Variants in RPS6KA2 observed in about 807,000 individuals in gnomAD.
RPS6KA2 encodes ribosomal protein S6 kinase alpha-2.
In RPS6KA2, 42 loss-of-function variants were observed where a neutral mutation model predicts 91.8. The observed-to-expected ratio is 0.46, with a 90% confidence interval of 0.36 to 0.59. The LOEUF (loss-of-function observed/expected upper bound fraction) is 0.59, where lower values mean the gene tolerates loss of function less well. RPS6KA2 is among the 20% of genes least tolerant of loss of function. RPS6KA2 has a pLI of 0.00. For missense variants in RPS6KA2, 798 were observed against 978.5 expected, an observed-to-expected ratio of 0.82 and a Z score of 2.46; for synonymous variants, 414 against 393.6, an observed-to-expected ratio of 1.05 and a Z score of -0.61.
chr6:166,584,663 T>C (rs780518117), intron 1 of RPS6KA2, among the ~76,000 whole-genome samples: 9 of 152,252 alleles, frequency 5.9e-5, no homozygotes, highest in East Asian at 1.9e-4. Flanking sequence ...CTATCTGTGA[T>C]TGTGATCTTT....
At chr6:166,862,539 G>A in exon 1 of RPS6KA2, 1 of 314,576 alleles carries the variant, frequency 3.2e-6, no homozygotes, top group Non-Finnish European at 5.7e-6. Flanking sequence ...CGCTGCACTT[G>A]CAGCTTCGAA....
chr6:166,591,794 C>A (rs978288198), intron 1 of RPS6KA2, among the ~76,000 whole-genome samples: 1 of 152,170 alleles, frequency 6.6e-6, no homozygotes, highest in Non-Finnish European at 1.5e-5. Flanking sequence ...AAAACTAACC[C>A]AGCATTTAGT....
At chr6:166,558,150 G>C (rs1271249199) in intron 1 of RPS6KA2, among the ~76,000 whole-genome samples, 2 of 108,344 alleles carry the variant, frequency 1.8e-5, no homozygotes, top group Non-Finnish European at 3.7e-5. Flanking sequence ...TGTATGTGGG[G>C]AGAGAGAGAG....
Position 166,648,150 on chromosome 6 carries a change from G to C in RPS6KA2, c.124-109366C>G, listed in dbSNP as rs1011105688. Among the ~76,000 whole-genome samples the C allele has an allele frequency of 3.6e-5, 4 of 112,170 alleles. No homozygotes were observed. Among genetic ancestry groups the C allele is most frequent in the Non-Finnish European group, 7.1e-5 (4 of 56,132 alleles). 73.6% of individuals were successfully genotyped at this position (112,170 alleles called of 152,430 possible). On this transcript the variant is annotated intron_variant, in intron 2 of 21. Transcript: ENST00000503859. The surrounding 1 kb of genome is among the most constrained non-coding windows in gnomAD (Gnocchi z 4.8). ...TACACATACATGCACACACGCACAT[G>C]GTTACACACCCATGCACACATGCTC...
intron 2 of RPS6KA2, among the ~76,000 whole-genome samples, chr6:166,687,642 C>T (rs886197069): frequency 2.0e-5 from 3 of 152,170 alleles, no homozygotes; most frequent in Non-Finnish European, 4.4e-5. Flanking sequence ...TGCAGGAATC[C>T]AGTCATTTTA....
intron 2 of RPS6KA2, among the ~76,000 whole-genome samples, chr6:166,841,565 C>T (rs1430915461): frequency 6.6e-6 from 1 of 152,224 alleles, no homozygotes; most frequent in Non-Finnish European, 1.5e-5. Context: ...AATAGAAAAA[C>T]TCAGCAGGTC....
chr6:166,538,876 G>T, intron 1 of RPS6KA2, 92 bp from the exon 2 acceptor site: 1 of 674,750 alleles, frequency 1.5e-6, no homozygotes, highest in Non-Finnish European at 2.7e-6. Flanking sequence ...ACCACGAGCT[G>T]GGTCTGTTAC....
At chr6:166,515,575 G>A (rs369348200) in intron 3 of RPS6KA2, among the ~76,000 whole-genome samples, 4 of 152,208 alleles carry the variant, frequency 2.6e-5, no homozygotes, top group Non-Finnish European at 5.9e-5. Flanking sequence ...TCGGCGTGAC[G>A]TCATTAGGAT....
At chr6:166,436,218 C>T (rs185034924) in intron 14 of RPS6KA2, among the ~76,000 whole-genome samples, 17 of 151,446 alleles carry the variant, frequency 1.1e-4, no homozygotes, top group African/African-American at 3.2e-4. Flanking sequence ...ATGCTGCTTT[C>T]GGTCCTGTCT....
chr6:166,518,527 A>G (rs893470471), intron 3 of RPS6KA2, among the ~76,000 whole-genome samples: 7 of 152,218 alleles, frequency 4.6e-5, no homozygotes, highest in Non-Finnish European at 8.8e-5. Context: ...TATAATAATA[A>G]ACAGAGAATC....
intron 2 of RPS6KA2, among the ~76,000 whole-genome samples, chr6:166,532,486 G>A (rs1429463689): frequency 6.6e-6 from 1 of 152,212 alleles, no homozygotes. Context: ...GTGGATTCAC[G>A]GAGTTGCTGT....
intron 2 of RPS6KA2, among the ~76,000 whole-genome samples, chr6:166,771,210 C>T (rs983142164): frequency 9.2e-5 from 14 of 152,184 alleles, no homozygotes; most frequent in African/African-American, 3.4e-4. Context: ...GAAAGAAAGT[C>T]TCTTTCAAGC....
rs1015252249 is a variant in RPS6KA2, at chr6:166,563,697, A to G, written c.100-24913T>C. Among the ~76,000 whole-genome samples, 4 of 152,246 alleles carry G rather than the reference A, an allele frequency of 2.6e-5. No individual in the cohort carries two copies. The highest frequency in any genetic ancestry group is 9.6e-5 in the African/African-American group (4 of 41,462). On this transcript the variant is annotated intron_variant, in intron 1 of 20. Transcript: ENST00000265678. This position sits in a 1 kb window ranked among gnomAD's most constrained non-coding sequence, Gnocchi z 4.1. ...AGACATTGATGGATTTTATGAAGAA[A>G]ATATTTAAGCCAATTTAAATATTTC...
chr6:166,470,072 C>T (rs1403414082), intron 10 of RPS6KA2, among the ~76,000 whole-genome samples, 167 bp from the exon 11 acceptor site: 1 of 152,204 alleles, frequency 6.6e-6, no homozygotes, highest in African/African-American at 2.4e-5. Flanking sequence ...GCCGATGCCC[C>T]CAGCTCAGAA....
In RPS6KA2 at chr6:166,626,728, C is replaced by G. The variant is rs1786894083; in HGVS notation, c.99+193G>C. Among the ~76,000 whole-genome samples, 1 of 152,190 alleles carries G rather than the reference C, an allele frequency of 6.6e-6. No homozygotes were observed. Among genetic ancestry groups the G allele is most frequent in the Non-Finnish European group, 1.5e-5 (1 of 68,022 alleles). ...GTTGCCCCCGCGAGGACCCACGGAC[C>G]GCCCAATTACTACGGAGTCCCAGCG... On this transcript the variant is annotated intron_variant, in intron 1 of 20. Transcript: ENST00000265678. This position sits in a 1 kb window ranked among gnomAD's most constrained non-coding sequence, Gnocchi z 4.1.
chr6:166,680,920 T>G (rs116669472), intron 2 of RPS6KA2, among the ~76,000 whole-genome samples: 320 of 152,358 alleles, frequency 2.1e-3, no homozygotes, highest in African/African-American at 6.9e-3. Flanking sequence ...GTTTCAGCCT[T>G]GCTGCCCCTC....
intron 1 of RPS6KA2, among the ~76,000 whole-genome samples, chr6:166,616,572 G>C (rs530476755): frequency 6.6e-6 from 1 of 152,210 alleles, no homozygotes; most frequent in African/African-American, 2.4e-5. Context: ...GCTCAAGAGA[G>C]GGAGATGAAC....
chr6:166,691,791 A>G (rs1789212163), intron 2 of RPS6KA2, among the ~76,000 whole-genome samples: 1 of 152,234 alleles, frequency 6.6e-6, no homozygotes, highest in African/African-American at 2.4e-5. Flanking sequence ...AACAATGCTA[A>G]CTAGATTGCA....
intron 1 of RPS6KA2, among the ~76,000 whole-genome samples, chr6:166,621,107 G>C (rs946577807): frequency 6.6e-6 from 1 of 152,238 alleles, no homozygotes; most frequent in Non-Finnish European, 1.5e-5. Flanking sequence ...AATGGAATCA[G>C]GTAGGGCTCT....
Sources: gnomAD v4.1 joint callset for allele counts (sites outside exome capture counted in the v4.1 genomes callset) on GRCh38, gnomAD v4.1.1 for gene constraint, Gnocchi (gnomAD v3.1) non-coding constraint, MANE v1.5 for transcripts, NCBI Gene and HGNC (gene_info 2026-07-23, HGNC 2026-07-21) for gene names.